RALGAPA1: variants seen among roughly 807,000 people sequenced by gnomAD.
The protein encoded by RALGAPA1 is ral GTPase-activating protein subunit alpha-1.
RALGAPA1 carries 52 observed loss-of-function variants against 269.6 expected under a neutral mutation model. The ratio of observed to expected loss-of-function variants is 0.19; its 90% CI spans 0.15 to 0.24. The LOEUF is 0.24. Ranked by LOEUF, RALGAPA1 falls within the 10% of genes least tolerant of loss-of-function variation. The pLI is 1.00. For synonymous variants in RALGAPA1, 817 were observed against 1,008.3 expected, an observed-to-expected ratio of 0.81 and a Z score of 3.60; for missense variants, 1,917 against 3,013.9, an observed-to-expected ratio of 0.64 and a Z score of 8.52.
intron 16 of RALGAPA1, chr14:35,715,710 A>G: frequency 1.0e-6 from 1 of 985,234 alleles, no homozygotes; most frequent in Non-Finnish European, 1.2e-6. Context: ...TACTGACCTG[A>G]AATTAACTTG....
At chr14:35,732,201 A>G (rs1465892250) in intron 12 of RALGAPA1, among the ~76,000 whole-genome samples, 1 of 152,184 alleles carries the variant, frequency 6.6e-6, no homozygotes, top group Non-Finnish European at 1.5e-5. Context: ...GAATTTGCCA[A>G]TACCAAGCCA....
intron 33 of RALGAPA1, among the ~76,000 whole-genome samples, chr14:35,634,324 A>C (rs978893645): frequency 6.6e-6 from 1 of 152,194 alleles, no homozygotes; most frequent in African/African-American, 2.4e-5. Context: ...AAAATCTTTA[A>C]CACTTCTGGT....
At chr14:35,699,796 CT>C (rs1215725353) in intron 17 of RALGAPA1, among the ~76,000 whole-genome samples, 8 of 151,002 alleles carry the variant, frequency 5.3e-5, no homozygotes. Context: ...AGTCAATGCT[CT>C]GATTATCTTC....
Position 35,677,869 on chromosome 14 carries a change from A to T in RALGAPA1, c.4624+81T>A, listed in dbSNP as rs184724382. ...TATTTACAATAATCATATATAATCA[A>T]ATGTAAGATGCCTTATTTATGATCT... is the stretch of plus-strand genomic sequence containing the variant. On this transcript the variant is annotated intron_variant, in intron 22 of 41. Coordinates refer to ENST00000680220, the MANE Select transcript of RALGAPA1 (RefSeq NM_001346249.2). The T allele has an allele frequency of 7.7e-6, 10 of 1,304,730 alleles. No individual in the cohort carries two copies. In the Admixed American group the frequency reaches 1.7e-4, roughly 23 times the overall value. The allele number at this position is 1,304,730 out of a possible 1,614,324, so 80.8% of individuals were successfully genotyped here.
intron 1 of RALGAPA1, 82 bp downstream of exon 1, chr14:35,808,648 C>T: frequency 6.8e-7 from 1 of 1,466,644 alleles, no homozygotes. Flanking sequence ...GCGCCAGGTC[C>T]CGAGAGAGAG....
intron 37 of RALGAPA1, among the ~76,000 whole-genome samples, chr14:35,589,597 T>C (rs1326098503): frequency 2.0e-5 from 3 of 152,204 alleles, no homozygotes; most frequent in African/African-American, 7.2e-5. Flanking sequence ...CAGTCACTAT[T>C]GTAGGACAGC....
intron 39 of RALGAPA1, among the ~76,000 whole-genome samples, chr14:35,549,802 A>C (rs574505413): frequency 6.6e-6 from 1 of 152,260 alleles, no homozygotes; most frequent in African/African-American, 2.4e-5. Flanking sequence ...TGTTGCTGTA[A>C]TCCTCGAATA....
At position 35,661,169 on chromosome 14, in the gene RALGAPA1, G is replaced by C. The variant is rs961408337; in HGVS notation, c.5329-1973C>G. Among the ~76,000 whole-genome samples, 3 of 152,052 alleles carry C rather than the reference G, an allele frequency of 2.0e-5. No individual in the cohort carries two copies. In the East Asian group the frequency reaches 5.8e-4, roughly 29 times the overall value. On this transcript the variant is annotated intron_variant, in intron 27 of 41. Coordinates refer to ENST00000680220, the MANE Select transcript of RALGAPA1 (RefSeq NM_001346249.2). ...AAAAAAGATAGCCATGTGAGGTGAT[G>C]GATATGTTATTTGGATTGATCTTTA...
At chr14:35,613,988 A>G (rs919314149) in intron 35 of RALGAPA1, among the ~76,000 whole-genome samples, 2 of 152,238 alleles carry the variant, frequency 1.3e-5, no homozygotes, top group African/African-American at 4.8e-5. Flanking sequence ...AAAGCTGTAC[A>G]GGAAAAAGCA....
intron 1 of RALGAPA1, among the ~76,000 whole-genome samples, chr14:35,799,838 T>G (rs923755761): frequency 6.6e-6 from 1 of 152,132 alleles, no homozygotes; most frequent in Admixed American, 6.6e-5. Flanking sequence ...AACCATATGC[T>G]GCCAACAATA....
chr14:35,786,983 A>G (rs929988375), intron 1 of RALGAPA1, among the ~76,000 whole-genome samples: 1 of 152,162 alleles, frequency 6.6e-6, no homozygotes, highest in Non-Finnish European at 1.5e-5. Context: ...ACTTCTATCT[A>G]TTGAAATTTT....
intron 37 of RALGAPA1, among the ~76,000 whole-genome samples, chr14:35,591,067 T>C (rs2058604809): frequency 6.6e-6 from 1 of 152,200 alleles, no homozygotes; most frequent in Non-Finnish European, 1.5e-5. Flanking sequence ...TACATAAAAC[T>C]GTACTCTGAG....
At chr14:35,671,286 A>C in intron 26 of RALGAPA1, 103 bp downstream of exon 26, 1 of 1,073,856 alleles carries the variant, frequency 9.3e-7, no homozygotes, top group South Asian at 2.5e-5. Flanking sequence ...ATTCCAATTA[A>C]ATTGCAAAAT....
chr14:35,755,865 T>C (rs758328719), intron 7 of RALGAPA1, among the ~76,000 whole-genome samples: 2 of 152,306 alleles, frequency 1.3e-5, no homozygotes, highest in South Asian at 4.1e-4. Context: ...GTATGAGGAA[T>C]TTTTGTGTTT....
chr14:35,730,707 T>C (rs1305046551), intron 12 of RALGAPA1, among the ~76,000 whole-genome samples: 3 of 152,020 alleles, frequency 2.0e-5, no homozygotes, highest in Non-Finnish European at 4.4e-5. Flanking sequence ...CTCACCCCCA[T>C]CCCTCACAGC....
At chr14:35,618,421 C>T (rs978226388) in intron 35 of RALGAPA1, among the ~76,000 whole-genome samples, 2 of 152,100 alleles carry the variant, frequency 1.3e-5, no homozygotes, top group African/African-American at 4.8e-5. Flanking sequence ...TATAATTTAA[C>T]ATCCTTTCCA....
chr14:35,707,822 TG>T (rs1022543271), intron 16 of RALGAPA1, among the ~76,000 whole-genome samples: 34 of 152,328 alleles, frequency 2.2e-4, no homozygotes, highest in African/African-American at 7.7e-4. Flanking sequence ...GTATGAGTTT[TG>T]GTAGATTGTA....
At chr14:35,748,171 T>A (rs904113175) in intron 10 of RALGAPA1, among the ~76,000 whole-genome samples, 1 of 151,930 alleles carries the variant, frequency 6.6e-6, no homozygotes, top group African/African-American at 2.4e-5. Flanking sequence ...ACGCTAAAAG[T>A]ATCACAAACT....
At chr14:35,775,418 A>T (rs1348642323) in intron 2 of RALGAPA1, among the ~76,000 whole-genome samples, 1 of 152,186 alleles carries the variant, frequency 6.6e-6, no homozygotes, top group Non-Finnish European at 1.5e-5. Context: ...TGAAAAAGCA[A>T]ATCTTCAAGC....
Sources: allele counts gnomAD v4.1 joint callset (sites outside exome capture counted in the v4.1 genomes callset), GRCh38; gene constraint gnomAD v4.1.1; transcripts MANE v1.5; gene names NCBI Gene and HGNC (gene_info 2026-07-23, HGNC 2026-07-21).